CPA6: variants seen among roughly 807,000 people sequenced by gnomAD.
CPA6 encodes the protein carboxypeptidase B.
Under a neutral mutation model 63.3 loss-of-function variants are expected in CPA6, and 58 were observed. That is an observed-to-expected ratio of 0.92 (90% CI 0.74 to 1.14). The LOEUF (loss-of-function observed/expected upper bound fraction) is 1.14. Ranked by LOEUF, CPA6 falls within the 50% of genes most tolerant of loss-of-function variation. The probability of loss-of-function intolerance (pLI) is 0.00; values close to 1 mark genes in which losing one functional copy is unlikely to be tolerated. For missense variants in CPA6, 565 were observed against 526.6 expected (o/e 1.07, Z -0.71); for synonymous variants, 185 against 179.0 (o/e 1.03, Z -0.27).
At chr8:67,711,808 T>C (rs929535917) in intron 1 of CPA6, among the ~76,000 whole-genome samples, 4 of 152,068 alleles carry the variant, frequency 2.6e-5, no homozygotes, top group African/African-American at 9.7e-5. Context: ...TTCAGCATTG[T>C]AAGTTTTAAA....
intron 8 of CPA6, among the ~76,000 whole-genome samples, chr8:67,483,071 G>A (rs1811392366): frequency 6.6e-6 from 1 of 152,102 alleles, no homozygotes; most frequent in African/African-American, 2.4e-5. Flanking sequence ...TATATTTTGA[G>A]GGACCTACAG....
chr8:67,686,577 T>C (rs1398752760), intron 1 of CPA6, among the ~76,000 whole-genome samples: 2 of 152,218 alleles, frequency 1.3e-5, no homozygotes, highest in Non-Finnish European at 2.9e-5. Context: ...ACCCATTGTA[T>C]ACTGCAAAAG....
intron 8 of CPA6, among the ~76,000 whole-genome samples, chr8:67,473,805 C>T (rs375411992): frequency 6.6e-6 from 1 of 152,046 alleles, no homozygotes; most frequent in Non-Finnish European, 1.5e-5. Context: ...GGGGTTTCAC[C>T]ATTGTTGCCC....
intron 1 of CPA6, among the ~76,000 whole-genome samples, chr8:67,641,140 T>C (rs1815583935): frequency 6.6e-6 from 1 of 151,716 alleles, no homozygotes; most frequent in Non-Finnish European, 1.5e-5. Context: ...ATGCTCCAGA[T>C]AGCCTGCCGC....
rs951224861 is a variant in CPA6 at position 67,499,042 on chromosome 8, AAAT to A, written c.636+7742_636+7744del. Among the ~76,000 whole-genome samples, 20 of 152,252 alleles carry A rather than the reference AAAT, an allele frequency of 1.3e-4. 2 individuals are homozygous for A. The highest frequency in any genetic ancestry group is 1.2e-3 in the Admixed American group (18 of 15,286). Reference sequence around the variant, plus strand: ...AATGAATTCATTTTTGCAATTTTCAAAATAATAAAATAATGAAGCCCAATTTAC... The same window carrying A: ...AATGAATTCATTTTTGCAATTTTCAAAATAAAATAATGAAGCCCAATTTAC... On this transcript the variant is annotated intron_variant, in intron 6 of 10. Transcript: ENST00000297770.
intron 8 of CPA6, among the ~76,000 whole-genome samples, chr8:67,453,899 C>T (rs931541419): frequency 2.6e-5 from 4 of 152,188 alleles, no homozygotes; most frequent in African/African-American, 9.7e-5. Flanking sequence ...ATGAGCTAAA[C>T]TTGTAATACT....
At chr8:67,632,852 ATG>A (rs1235964528) in intron 1 of CPA6, among the ~76,000 whole-genome samples, 1 of 152,246 alleles carries the variant, frequency 6.6e-6, no homozygotes, top group Non-Finnish European at 1.5e-5. Context: ...ATGACCTAAT[ATG>A]TATTCAAGTT....
At chr8:67,673,372 TTA>T (rs1816391764) in intron 1 of CPA6, among the ~76,000 whole-genome samples, 3 of 134,030 alleles carry the variant, frequency 2.2e-5, no homozygotes, top group African/African-American at 1.0e-4. Context: ...ATTATTATTA[TTA>T]TTATTATTTA....
At chr8:67,665,982 G>A (rs1816218333) in intron 1 of CPA6, among the ~76,000 whole-genome samples, 1 of 152,152 alleles carries the variant, frequency 6.6e-6, no homozygotes, top group Non-Finnish European at 1.5e-5. Flanking sequence ...TAGAGTCCAC[G>A]CCTCTCTTCC....
At chr8:67,670,343 A>C (rs2128994234) in intron 1 of CPA6, among the ~76,000 whole-genome samples, 1 of 152,196 alleles carries the variant, frequency 6.6e-6, no homozygotes, top group South Asian at 2.1e-4. Context: ...GGTGCCACCC[A>C]CTTTTAAACA....
chr8:67,533,784 C>A (rs1812526529), intron 2 of CPA6, among the ~76,000 whole-genome samples: 1 of 152,200 alleles, frequency 6.6e-6, no homozygotes. Flanking sequence ...TCCCAGGGAA[C>A]CTCAACTCCT....
At chr8:67,473,696 C>G (rs1811113428) in intron 8 of CPA6, among the ~76,000 whole-genome samples, 1 of 152,128 alleles carries the variant, frequency 6.6e-6, no homozygotes, top group Admixed American at 6.6e-5. Flanking sequence ...CCTCCGCCTC[C>G]CAGGCTCAGG....
At chr8:67,745,825 C>CCA (rs1817996251) in intron 1 of CPA6, among the ~76,000 whole-genome samples, 189 bp downstream of exon 1, 1 of 152,104 alleles carries the variant, frequency 6.6e-6, no homozygotes, top group Non-Finnish European at 1.5e-5. Context: ...AGGTTGGAGC[C>CCA]CACCACATTC....
intron 2 of CPA6, among the ~76,000 whole-genome samples, chr8:67,614,926 T>A (rs1814906328): frequency 6.6e-6 from 1 of 152,140 alleles, no homozygotes; most frequent in Non-Finnish European, 1.5e-5. Flanking sequence ...TCTCCAGGGG[T>A]CTTACTTTTA....
At chr8:67,439,493 G>C (rs949554486) in intron 8 of CPA6, among the ~76,000 whole-genome samples, 5 of 151,860 alleles carry the variant, frequency 3.3e-5, no homozygotes, top group African/African-American at 9.7e-5. Context: ...GGAGGCTGAG[G>C]CAGGAGAATC....
chr8:67,592,159 C>A (rs1374293079), intron 2 of CPA6, among the ~76,000 whole-genome samples: 1 of 152,184 alleles, frequency 6.6e-6, no homozygotes, highest in Admixed American at 6.5e-5. Context: ...TGGTTTTTGT[C>A]TTTGGTTCTG....
chr8:67,703,291 C>CT (rs1159480826), intron 1 of CPA6, among the ~76,000 whole-genome samples: 1 of 152,144 alleles, frequency 6.6e-6, no homozygotes, highest in Non-Finnish European at 1.5e-5. Context: ...TGATGGGTGG[C>CT]TTGTTGGGGT....
At chr8:67,527,943 G>C (rs1441391531) in intron 2 of CPA6, among the ~76,000 whole-genome samples, 1 of 152,218 alleles carries the variant, frequency 6.6e-6, no homozygotes, top group Non-Finnish European at 1.5e-5. Context: ...CTCTGTGAAT[G>C]TGCGGAGGAT....
At chr8:67,470,663 G>A (rs770850951) in intron 8 of CPA6, among the ~76,000 whole-genome samples, 6 of 151,954 alleles carry the variant, frequency 3.9e-5, no homozygotes, top group Non-Finnish European at 7.4e-5. Flanking sequence ...ATATAAAAAC[G>A]ATAATAAACC....
Sources: allele counts gnomAD v4.1 joint callset (sites outside exome capture counted in the v4.1 genomes callset), GRCh38; gene constraint gnomAD v4.1.1; transcripts MANE v1.5; gene names NCBI Gene and HGNC (gene_info 2026-07-23, HGNC 2026-07-21).